Variants in SEZ6L observed in about 807,000 individuals in gnomAD.
SEZ6L encodes the protein seizure related 6 homolog like.
A neutral mutation model predicts 106.2 loss-of-function variants in SEZ6L; 37 were observed. The ratio of observed to expected loss-of-function variants is 0.35; its 90% CI spans 0.27 to 0.46. The LOEUF (loss-of-function observed/expected upper bound fraction) is 0.46, where lower values mean the gene tolerates loss of function less well. SEZ6L is among the 20% of genes least tolerant of loss of function. SEZ6L has a pLI of 1.00. For missense variants in SEZ6L, 1,172 were observed against 1,332.8 expected, an observed-to-expected ratio of 0.88 and a Z score of 1.88; for synonymous variants, 541 against 570.4, an observed-to-expected ratio of 0.95 and a Z score of 0.73.
At chr22:26,342,422 G>A (rs1315206524) in intron 10 of SEZ6L, among the ~76,000 whole-genome samples, 1 of 152,066 alleles carries the variant, frequency 6.6e-6, no homozygotes, top group African/African-American at 2.4e-5. Flanking sequence ...GGGCGCAGTG[G>A]CTCATGCCTG....
intron 11 of SEZ6L, among the ~76,000 whole-genome samples, chr22:26,350,754 T>C (rs2083248955): frequency 6.6e-6 from 1 of 151,770 alleles, no homozygotes; most frequent in African/African-American, 2.4e-5. Flanking sequence ...CTTCCCGGGT[T>C]CACGCCATTC....
intron 1 of SEZ6L, among the ~76,000 whole-genome samples, chr22:26,172,116 G>A (rs1394299825): frequency 6.6e-6 from 1 of 152,048 alleles, no homozygotes; most frequent in Non-Finnish European, 1.5e-5. Context: ...TGCACATGGG[G>A]AATAATTGTA....
intron 1 of SEZ6L, among the ~76,000 whole-genome samples, chr22:26,209,903 GGAAA>G (rs2078102674): frequency 4.4e-5 from 6 of 137,216 alleles, no homozygotes; most frequent in African/African-American, 5.4e-5. Flanking sequence ...GAGGAAGGAA[GGAAA>G]GAAGGAGGAA....
chr22:26,169,757 G>C lies in SEZ6L; in HGVS notation c.88G>C (p.Glu30Gln). 1 of 1,252,014 alleles carries C rather than the reference G, an allele frequency of 8.0e-7. No individual in the cohort carries two copies. Among genetic ancestry groups the C allele is most frequent in the Non-Finnish European group, 1.0e-6 (1 of 998,982 alleles). The allele number at this position is 1,252,014 out of a possible 1,614,324, so 77.6% of individuals were successfully genotyped here. A position where few individuals can be genotyped will look rare whatever the true frequency, so the allele number is the denominator to read the frequency against. Reference protein sequence around the residue: ...LLLGSPAAALERDALPEGDAS... With the variant: ...LLLGSPAAALQRDALPEGDAS... Reference sequence around the variant, plus strand: ...CCTGGGGAGCCCGGCGGCAGCGCTGGAGCGAGGTAAGCGCCCCGAGGGGCG... The same window carrying C: ...CCTGGGGAGCCCGGCGGCAGCGCTGCAGCGAGGTAAGCGCCCCGAGGGGCG... Residue 30 changes from glutamate (E) to glutamine (Q), a missense_variant, in exon 1 of 17, where the codon GAG becomes CAG. By Grantham distance (29) the Glu-to-Gln change is conservative. Around this residue, in one of 4 missense-constraint regions of SEZ6L, gnomAD observed 494 missense variants for 445.8 expected, o/e 1.11. Transcript: ENST00000248933.
intron 1 of SEZ6L, among the ~76,000 whole-genome samples, chr22:26,258,241 G>A (rs146532012): frequency 2.6e-5 from 4 of 152,248 alleles, no homozygotes; most frequent in South Asian, 2.1e-4. Context: ...GGTGCTCCCC[G>A]AGTTTAAACC....
chr22:26,292,541 C>T lies in SEZ6L; in HGVS notation c.230C>T (p.Ala77Val), dbSNP rs570565336. The change falls in exon 2 of 17, where the codon GCG (alanine) becomes GTG (valine). Residue 77 changes from alanine (A) to valine (V), a missense_variant. Physicochemically the swap from Ala to Val is moderately conservative, Grantham distance 64. Transcript: ENST00000248933. Reference sequence around the variant, plus strand: ...GCGCCCCCCAGTTCCTCACAGTCGGCGGAAGTGCTGGGCGAGCTGGTGCTG... The same window carrying T: ...GCGCCCCCCAGTTCCTCACAGTCGGTGGAAGTGCTGGGCGAGCTGGTGCTG... ...VTAPPSSSQS[A>V]EVLGELVLDG... 7.4e-5 allele frequency: 119 copies of T among 1,613,830 alleles called. No individual in the cohort carries two copies. The East Asian group carries it at 1.9e-3, about 25-fold the overall frequency.
intron 1 of SEZ6L, among the ~76,000 whole-genome samples, chr22:26,219,316 C>A (rs2078393100): frequency 7.2e-6 from 1 of 139,538 alleles, no homozygotes; most frequent in Admixed American, 7.6e-5. Flanking sequence ...AAGAAAACAA[C>A]CCCACAATGA....
intron 1 of SEZ6L, among the ~76,000 whole-genome samples, chr22:26,259,137 T>C (rs1191701317): frequency 1.3e-5 from 2 of 152,164 alleles, no homozygotes; most frequent in Admixed American, 6.5e-5. Flanking sequence ...TGGCTTGAGC[T>C]AGGACTACCA....
chr22:26,316,020 T>C (rs1206602578), intron 9 of SEZ6L, among the ~76,000 whole-genome samples: 1 of 151,966 alleles, frequency 6.6e-6, no homozygotes, highest in Non-Finnish European at 1.5e-5. Flanking sequence ...GCACCACTAC[T>C]TCAGCCTGGG....
intron 9 of SEZ6L, among the ~76,000 whole-genome samples, chr22:26,322,016 C>T (rs998943846): frequency 6.6e-6 from 1 of 152,044 alleles, no homozygotes; most frequent in Non-Finnish European, 1.5e-5. Context: ...CGTTTAGGTC[C>T]GTGAGCAATA....
chr22:26,300,361 G>A (rs937655760), intron 5 of SEZ6L, among the ~76,000 whole-genome samples: 2 of 151,558 alleles, frequency 1.3e-5, no homozygotes, highest in African/African-American at 4.9e-5. Context: ...GTGTCCATGT[G>A]TTCTCATTGT....
At chr22:26,250,159 T>G (rs1057046879) in intron 1 of SEZ6L, among the ~76,000 whole-genome samples, 2 of 152,192 alleles carry the variant, frequency 1.3e-5, no homozygotes, top group African/African-American at 4.8e-5. Flanking sequence ...GTGTAGAAGC[T>G]TTTTAGTTTG....
intron 13 of SEZ6L, among the ~76,000 whole-genome samples, 200 bp downstream of exon 13, chr22:26,365,766 C>A (rs1024825838): frequency 6.6e-6 from 1 of 151,826 alleles, no homozygotes; most frequent in African/African-American, 2.4e-5. Context: ...CCCAGCTACT[C>A]GGGAGGCTGA....
At chr22:26,232,688 C>T (rs760751378) in intron 1 of SEZ6L, among the ~76,000 whole-genome samples, 6 of 152,198 alleles carry the variant, frequency 3.9e-5, no homozygotes, top group African/African-American at 9.6e-5. Context: ...CACCATCCAG[C>T]GTAGGTGTGT....
chr22:26,244,106 T>A (rs540599587), intron 1 of SEZ6L, among the ~76,000 whole-genome samples: 2 of 151,114 alleles, frequency 1.3e-5, no homozygotes, highest in Admixed American at 6.8e-5. Flanking sequence ...GAGGCTGCAG[T>A]GAGCTGAGAT....
At position 26,206,909 on chromosome 22, in the gene SEZ6L, CCA is replaced by C. The variant is rs375857450; in HGVS notation, c.94+37149_94+37150del. Reference sequence around the variant, plus strand: ...AGCTAATCTTCTAGGCCTGATGAAGCCACAGTGATTTATTTTGAAAGCTCCAG... The same window carrying C: ...AGCTAATCTTCTAGGCCTGATGAAGCCAGTGATTTATTTTGAAAGCTCCAG... On this transcript the variant is annotated intron_variant, in intron 1 of 16. Coordinates refer to ENST00000248933, the MANE Select transcript of SEZ6L (RefSeq NM_021115.5). 7.2e-5 allele frequency among the ~76,000 whole-genome samples: 11 copies of C among 152,212 alleles called. No individual in the cohort carries two copies. The East Asian group carries it at 2.1e-3, about 29-fold the overall frequency.
At chr22:26,222,380 A>C (rs1395001636) in intron 1 of SEZ6L, among the ~76,000 whole-genome samples, 1 of 152,226 alleles carries the variant, frequency 6.6e-6, no homozygotes. Flanking sequence ...ACAGGGCTGA[A>C]ACACAAACCG....
chr22:26,191,647 A>C (rs1310265021), intron 1 of SEZ6L, among the ~76,000 whole-genome samples: 1 of 152,150 alleles, frequency 6.6e-6, no homozygotes, highest in Non-Finnish European at 1.5e-5. Context: ...GCTGGGCTTA[A>C]TATCTAGGTG....
chr22:26,332,145 ATG>A (rs1469352912), intron 9 of SEZ6L, among the ~76,000 whole-genome samples: 1 of 121,700 alleles, frequency 8.2e-6, no homozygotes, highest in African/African-American at 3.2e-5. Flanking sequence ...AGGATTTTCA[ATG>A]TTTTTTTTTT....
Sources: allele counts gnomAD v4.1 joint callset (sites outside exome capture counted in the v4.1 genomes callset), GRCh38; gene constraint gnomAD v4.1.1; regional missense constraint gnomAD v4.1.1; transcripts MANE v1.5; gene names NCBI Gene and HGNC (gene_info 2026-07-23, HGNC 2026-07-21).